RCN3: variants seen among roughly 807,000 people sequenced by gnomAD.
RCN3 encodes the protein reticulocalbin-3.
RCN3 carries 41 observed loss-of-function variants against 35.9 expected under a neutral mutation model. The ratio of observed to expected loss-of-function variants is 1.14; its 90% confidence interval spans 0.89 to 1.48. The LOEUF (loss-of-function observed/expected upper bound fraction) is 1.48. RCN3 is among the 40% of genes most tolerant of loss of function. The pLI, the probability that RCN3 is intolerant of heterozygous loss-of-function variation, is 0.00. For synonymous variants in RCN3, 187 were observed against 193.4 expected (o/e 0.97, Z 0.27); for missense variants, 451 against 471.3 (o/e 0.96, Z 0.40).
Position 49,543,097 on chromosome 19 carries a change from T to C in RCN3, c.880-9T>C. On this transcript the variant is annotated splice_polypyrimidine_tract_variant and intron_variant, in intron 6 of 6. Transcript: ENST00000270645. ...TGTTGTCCCCTCTGAACCCTGACCC[T>C]CCCTCCAGGATGGGCGGCTGAGCAA... The C allele has an allele frequency of 6.2e-7, 1 of 1,612,180 alleles. No individual in the cohort carries two copies. The highest frequency in any genetic ancestry group is 1.3e-5 in the African/African-American group (1 of 74,960).
intron 2 of RCN3, among the ~76,000 whole-genome samples, chr19:49,531,035 G>C (rs1233040365): frequency 6.6e-6 from 1 of 152,182 alleles, no homozygotes; most frequent in African/African-American, 2.4e-5. Context: ...GGAGCAAAGG[G>C]GTTCAGCATG....
chr19:49,542,867 AAAG>A, intron 6 of RCN3, 115 bp downstream of exon 6: 1 of 1,055,050 alleles, frequency 9.5e-7, no homozygotes, highest in Non-Finnish European at 1.4e-6. Flanking sequence ...TGGGATAAAA[AAAG>A]AGGGACAGAG....
At position 49,539,134 on chromosome 19, in the gene RCN3, C is replaced by G; in HGVS notation, c.634C>G (p.Leu212Val). Residue 212 changes from leucine (L) to valine (V), a missense_variant, in exon 5 of 7, where the codon CTG (leucine) becomes GTG (valine). Physicochemically the swap from Leu to Val is conservative, Grantham distance 32. Transcript: ENST00000270645. ...DIVIAETLEDLDRNKDGYVQV... is the reference protein window; with the variant it reads ...DIVIAETLEDVDRNKDGYVQV... The stretch of plus-strand genomic sequence containing the variant: ...TCTCCTCCAGGAAACCCTGGAGGAC[C>G]TGGACAGAAACAAAGATGGCTATGT... The G allele has an allele frequency of 6.2e-7, 1 of 1,608,694 alleles. No homozygotes were observed. The highest frequency in any genetic ancestry group is 1.7e-5 in the Admixed American group (1 of 58,496).
In RCN3 at chr19:49,536,937, T is replaced by C. The variant is rs532774458; in HGVS notation, c.446-96T>C. 23 of 1,192,790 alleles carry C rather than the reference T, an allele frequency of 1.9e-5. 1 individual carries two copies. In the South Asian group the frequency reaches 3.7e-4, roughly 19 times the overall value. The allele number at this position is 1,192,790 out of a possible 1,614,324, so 73.9% of individuals were successfully genotyped here. A position where few individuals can be genotyped will look rare whatever the true frequency, so the allele number is the denominator to read the frequency against. ...TATATACTTATTAACTCCACAGAAA[T>C]CTTTGTACCCCAGTAGGATTTACTT... On this transcript the variant is annotated intron_variant, in intron 3 of 6. Coordinates refer to ENST00000270645, the MANE Select transcript of RCN3 (RefSeq NM_020650.3).
intron 2 of RCN3, among the ~76,000 whole-genome samples, chr19:49,533,437 G>C (rs1412834479): frequency 1.3e-5 from 2 of 152,190 alleles, no homozygotes; most frequent in African/African-American, 4.8e-5. Context: ...CACCAAGGGA[G>C]AGGAGAGGGG....
chr19:49,534,101 G>A (rs1244779022), intron 2 of RCN3, 92 bp from the exon 3 acceptor site: 7 of 1,241,726 alleles, frequency 5.6e-6, no homozygotes, highest in Non-Finnish European at 6.4e-6. Flanking sequence ...TTTCAGCCCC[G>A]GATCCGAAGT....
intron 3 of RCN3, among the ~76,000 whole-genome samples, chr19:49,536,040 G>T (rs1271349665): frequency 6.7e-6 from 1 of 148,330 alleles, no homozygotes; most frequent in African/African-American, 2.5e-5. Context: ...AGGCTGGAGT[G>T]CAGTGGCGTG....
In RCN3 at chr19:49,543,164, A is replaced by G. The variant is rs755953381; in HGVS notation, c.938A>G (p.Gln313Arg). 6.2e-7 allele frequency: 1 copy of G among 1,614,100 alleles called. No individual in the cohort carries two copies. The highest frequency in any genetic ancestry group is 1.1e-5 in the South Asian group (1 of 91,076). Residue 313 changes from glutamine to arginine, a missense_variant, in exon 7 of 7, where the codon CAG becomes CGG. Physicochemically the swap from Gln to Arg is conservative, Grantham distance 43. Coordinates refer to ENST00000270645, the MANE Select transcript of RCN3 (RefSeq NM_020650.3). ...AATTGGAACATGTTTGTGGGCAGTC[A>G]GGCCACCAACTATGGCGAGGACCTG... ...LGNWNMFVGS[Q>R]ATNYGEDLTR...
In RCN3 at chr19:49,537,203, G is replaced by T. The variant is rs763584778; in HGVS notation, c.616G>T (p.Ala206Ser). ...CCCTCACATGCGGGACATCGTGATT[G>T]CTGTGAGTGGCGGCTGGGGAACCCT... is the stretch of plus-strand genomic sequence containing the variant. ...EFPHMRDIVI[A>S]ETLEDLDRNK... Residue 206 changes from alanine (A) to serine (S), a missense_variant and splice_region_variant, in exon 4 of 7, where the codon GCT becomes TCT. Transcript: ENST00000270645. 1 of 1,505,464 alleles carries T rather than the reference G, an allele frequency of 6.6e-7. No homozygotes were observed. Among genetic ancestry groups the T allele is most frequent in the South Asian group, 1.3e-5 (1 of 78,572 alleles). 93.3% of individuals were successfully genotyped at this position (1,505,464 alleles called of 1,614,324 possible).
At chr19:49,541,720 G>T (rs1330075682) in intron 5 of RCN3, among the ~76,000 whole-genome samples, 1 of 151,950 alleles carries the variant, frequency 6.6e-6, no homozygotes, top group Non-Finnish European at 1.5e-5. Flanking sequence ...CTGCACTCCA[G>T]CCTGTAATCC....
intron 2 of RCN3, among the ~76,000 whole-genome samples, chr19:49,529,428 A>G (rs899803819): frequency 1.3e-5 from 2 of 151,966 alleles, no homozygotes; most frequent in South Asian, 4.2e-4. Context: ...AGCCCTGTCC[A>G]CCCTCTCCGT....
At chr19:49,528,880 G>A (rs1338088613) in intron 2 of RCN3, among the ~76,000 whole-genome samples, 166 bp downstream of exon 2, 1 of 152,088 alleles carries the variant, frequency 6.6e-6, no homozygotes, top group African/African-American at 2.4e-5. Context: ...TTAAAATTGA[G>A]GCCTAAAGAG....
chr19:49,542,543 C>A lies in RCN3; in HGVS notation c.680-10C>A. 1.3e-6 allele frequency: 2 copies of A among 1,573,270 alleles called. No homozygotes were observed. Among genetic ancestry groups the A allele is most frequent in the East Asian group, 2.3e-5 (1 of 43,150 alleles). On this transcript the variant is annotated splice_polypyrimidine_tract_variant and intron_variant, in intron 5 of 6. Coordinates refer to ENST00000270645, the MANE Select transcript of RCN3 (RefSeq NM_020650.3). ...GCCCCTGACCTTGTCCCCTCTGTCCCGGCCCCCAGCGGATCTGTACTCAGC... is the reference window on the plus strand; with the variant it reads ...GCCCCTGACCTTGTCCCCTCTGTCCAGGCCCCCAGCGGATCTGTACTCAGC...
chr19:49,540,024 G>A (rs1363119957), intron 5 of RCN3, among the ~76,000 whole-genome samples: 1 of 151,802 alleles, frequency 6.6e-6, no homozygotes, highest in Non-Finnish European at 1.5e-5. Flanking sequence ...CGCCCGGCCA[G>A]GAATTTTTTT....
Position 49,543,539 on chromosome 19 carries a change from A to ATAGAC in RCN3, c.*328_*332dup. On this transcript the variant is annotated 3_prime_UTR_variant, in exon 7 of 7. Transcript: ENST00000270645. ...AGCTCCAAATCTGAGCCTCCACCAC[A>ATAGAC]TAGACTGAAACTCCCCTGGCCCCAG... 2.9e-6 allele frequency: 1 copy of ATAGAC among 344,780 alleles called. No individual in the cohort carries two copies. Among genetic ancestry groups the ATAGAC allele is most frequent in the Non-Finnish European group, 5.5e-6 (1 of 180,526 alleles). The allele number at this position is 344,780 out of a possible 1,614,324, so 21.4% of individuals were successfully genotyped here. A position where few individuals can be genotyped will look rare whatever the true frequency, so the allele number is the denominator to read the frequency against.
chr19:49,542,968 A>T, intron 6 of RCN3, 138 bp from the exon 7 acceptor site: 2 of 846,074 alleles, frequency 2.4e-6, no homozygotes, highest in Non-Finnish European at 3.8e-6. Flanking sequence ...AGGGACCAAG[A>T]CGGGGACAGA....
intron 2 of RCN3, among the ~76,000 whole-genome samples, chr19:49,532,699 G>A (rs994053904): frequency 2.5e-5 from 3 of 120,828 alleles, no homozygotes; most frequent in African/African-American, 6.4e-5. Flanking sequence ...TATTTGAGAC[G>A]GAGTCTCGCT....
chr19:49,538,231 C>G (rs892711706), intron 4 of RCN3, among the ~76,000 whole-genome samples: 1 of 149,448 alleles, frequency 6.7e-6, no homozygotes, highest in African/African-American at 2.5e-5. Context: ...GATGCGATCT[C>G]GGCTCACTGC....
In RCN3 at chr19:49,528,465, A is replaced by C. The variant is rs113692361; in HGVS notation, c.-6-2A>C. The stretch of plus-strand genomic sequence containing the variant: ...TGACCCCTGGCCTTTGCCACTCCCC[A>C]GGGACCGATGATGTGGCGACCATCA... On this transcript the variant is annotated splice_acceptor_variant, in intron 1 of 6. Transcript: ENST00000270645. LOFTEE classifies it low-confidence loss of function (5UTR_SPLICE). The C allele has an allele frequency of 3.3e-6, 5 of 1,496,338 alleles. No homozygotes were observed. The highest frequency in any genetic ancestry group is 3.6e-6 in the Non-Finnish European group (4 of 1,122,672). 92.7% of individuals were successfully genotyped at this position (1,496,338 alleles called of 1,614,324 possible).
Sources: gnomAD v4.1 joint callset for allele counts (sites outside exome capture counted in the v4.1 genomes callset) on GRCh38, gnomAD v4.1.1 for gene constraint, MANE v1.5 for transcripts, NCBI Gene and HGNC (gene_info 2026-07-23, HGNC 2026-07-21) for gene names.